SLC25A42: variants seen among roughly 807,000 people sequenced by gnomAD.
SLC25A42 encodes solute carrier family 25 member 42.
Under a neutral mutation model 34.7 loss-of-function variants are expected in SLC25A42, and 19 were observed. The ratio of observed to expected loss-of-function variants is 0.55; its 90% CI spans 0.38 to 0.80. The LOEUF (loss-of-function observed/expected upper bound fraction) is 0.80. SLC25A42 is among the 30% of genes least tolerant of loss of function. The pLI is 0.00. For missense variants in SLC25A42, 364 were observed against 441.3 expected (o/e 0.82, Z 1.57); for synonymous variants, 205 against 191.2 (o/e 1.07, Z -0.59).
Position 19,109,322 on chromosome 19 carries a change from G to A in SLC25A42, c.650-1247G>A, listed in dbSNP as rs1308318737. ...GTGTGACTGTAAAACCCCATTTTCGGTGTTTCTCTCTGGAGTGCTTTCCAG... is the reference window on the plus strand; with the variant it reads ...GTGTGACTGTAAAACCCCATTTTCGATGTTTCTCTCTGGAGTGCTTTCCAG... On this transcript the variant is annotated intron_variant, in intron 7 of 7. Coordinates refer to ENST00000318596, the MANE Select transcript of SLC25A42 (RefSeq NM_178526.5). This position sits in a 1 kb window ranked among gnomAD's most constrained non-coding sequence, Gnocchi z 4.1. 6.6e-6 allele frequency among the ~76,000 whole-genome samples: 1 copy of A among 152,160 alleles called. No individual in the cohort carries two copies. Among genetic ancestry groups the A allele is most frequent in the Non-Finnish European group, 1.5e-5 (1 of 68,034 alleles).
chr19:19,086,063 T>G (rs1373774887), intron 1 of SLC25A42, among the ~76,000 whole-genome samples: 1 of 152,226 alleles, frequency 6.6e-6, no homozygotes, highest in Non-Finnish European at 1.5e-5. Context: ...CGGCCAGTCC[T>G]TCTATAGCCA....
intron 1 of SLC25A42, among the ~76,000 whole-genome samples, chr19:19,093,153 T>A (rs1018608710): frequency 5.3e-5 from 8 of 152,170 alleles, no homozygotes; most frequent in Admixed American, 1.3e-4. Flanking sequence ...CTCGAGTACC[T>A]GGGACCACAG....
At position 19,111,918 on chromosome 19, in the gene SLC25A42, G is replaced by A. The variant is rs977599806; in HGVS notation, c.*1042G>A. Reference sequence around the variant, plus strand: ...CTAGCCTCAATCCCCCGAAGTGGGAGCCTCATGATAGAGTATAGCTTGGGG... The same window carrying A: ...CTAGCCTCAATCCCCCGAAGTGGGAACCTCATGATAGAGTATAGCTTGGGG... On this transcript the variant is annotated 3_prime_UTR_variant, in exon 8 of 8. Transcript: ENST00000318596. 1.6e-4 allele frequency: 24 copies of A among 152,238 alleles called. No individual in the cohort carries two copies. Among genetic ancestry groups the A allele is most frequent in the African/African-American group, 5.8e-4 (24 of 41,446 alleles). 9.4% of individuals were successfully genotyped at this position (152,238 alleles called of 1,614,324 possible). A position where few individuals can be genotyped will look rare whatever the true frequency, so the allele number is the denominator to read the frequency against.
At chr19:19,089,099 C>T (rs1322823855) in intron 1 of SLC25A42, among the ~76,000 whole-genome samples, 1 of 152,330 alleles carries the variant, frequency 6.6e-6, no homozygotes, top group East Asian at 1.9e-4. Context: ...GCCACTGCGC[C>T]TGGCCAGTGA....
At chr19:19,103,337 C>T (rs1324437810) in intron 3 of SLC25A42, among the ~76,000 whole-genome samples, 1 of 152,182 alleles carries the variant, frequency 6.6e-6, no homozygotes, top group Non-Finnish European at 1.5e-5. Flanking sequence ...TCAAGTGATC[C>T]ACCCGCCTTG....
At chr19:19,094,397 T>G (rs908401340) in intron 1 of SLC25A42, among the ~76,000 whole-genome samples, 2 of 152,234 alleles carry the variant, frequency 1.3e-5, no homozygotes, top group East Asian at 3.8e-4. Flanking sequence ...CTACTCAAAC[T>G]GTTCCAGCTT....
At chr19:19,096,254 T>TGGGGCCCCCCCCCCCCCCCCCCCCCC in intron 2 of SLC25A42, 49 bp downstream of exon 2, 2 of 1,456,676 alleles carry the variant, frequency 1.4e-6, no homozygotes, top group Non-Finnish European at 9.4e-7. Flanking sequence ...GGCCCCAGCC[T>TGGGGCCCCCCCCCCCCCCCCCCCCCC]CCCCACCCCC....
chr19:19,098,418 C>G (rs545528175), intron 2 of SLC25A42, among the ~76,000 whole-genome samples: 2 of 152,278 alleles, frequency 1.3e-5, no homozygotes, highest in South Asian at 4.1e-4. Context: ...GGTAACATAG[C>G]AAGACCTTGT....
At chr19:19,083,643 G>A (rs1295418250) in intron 1 of SLC25A42, among the ~76,000 whole-genome samples, 1 of 152,212 alleles carries the variant, frequency 6.6e-6, no homozygotes, top group Non-Finnish European at 1.5e-5. Context: ...CACTGCACAG[G>A]CACCAGGCCA....
rs977465260 is a variant in SLC25A42 at position 19,111,525 on chromosome 19, G to T, written c.*649G>T. ...ATGTCTATCCTAGACCCTGCAAGCAGCTGGGTCCCCAAGAGTGCATCTCCC... is the reference window on the plus strand; with the variant it reads ...ATGTCTATCCTAGACCCTGCAAGCATCTGGGTCCCCAAGAGTGCATCTCCC... On this transcript the variant is annotated 3_prime_UTR_variant, in exon 8 of 8. Coordinates refer to ENST00000318596, the MANE Select transcript of SLC25A42 (RefSeq NM_178526.5). 6.5e-6 allele frequency: 1 copy of T among 153,158 alleles called. No individual in the cohort carries two copies. Among genetic ancestry groups the T allele is most frequent in the Non-Finnish European group, 1.5e-5 (1 of 68,756 alleles). 9.5% of individuals were successfully genotyped at this position (153,158 alleles called of 1,614,324 possible).
chr19:19,110,485 TA>T (rs2059857002), intron 7 of SLC25A42, 83 bp from the exon 8 acceptor site: 15 of 1,210,562 alleles, frequency 1.2e-5, no homozygotes, highest in Non-Finnish European at 1.6e-5. Context: ...AGGTTGCTCC[TA>T]GGGGTGCAAA....
intron 1 of SLC25A42, among the ~76,000 whole-genome samples, chr19:19,083,409 A>G (rs1241307691): frequency 1.3e-5 from 2 of 152,228 alleles, no homozygotes; most frequent in Non-Finnish European, 2.9e-5. Flanking sequence ...GGATGCAGAC[A>G]TCTTTGAGTG....
rs760915278 is a variant in SLC25A42 at position 19,105,668 on chromosome 19, G to C, written c.321G>C (p.Gln107His). The part of the protein sequence containing the change: ...MVRVVPYAAI[Q>H]FSAHEEYKRI... Reference sequence around the variant, plus strand: ...GCGTGGTGCCCTACGCCGCCATCCAGTTCAGCGCACACGAGGAGTACAAGC... The same window carrying C: ...GCGTGGTGCCCTACGCCGCCATCCACTTCAGCGCACACGAGGAGTACAAGC... The change falls in exon 5 of 8, where the codon CAG (glutamine) becomes CAC (histidine). Residue 107 changes from glutamine to histidine, a missense_variant. Physicochemically the swap from Gln to His is conservative, Grantham distance 24. Coordinates refer to ENST00000318596, the MANE Select transcript of SLC25A42 (RefSeq NM_178526.5). The C allele has an allele frequency of 1.2e-6, 2 of 1,613,450 alleles. No individual in the cohort carries two copies. The highest frequency in any genetic ancestry group is 1.7e-6 in the Non-Finnish European group (2 of 1,179,790).
At chr19:19,108,476 G>A (rs536890266) in intron 7 of SLC25A42, among the ~76,000 whole-genome samples, 1 of 152,090 alleles carries the variant, frequency 6.6e-6, no homozygotes, top group Non-Finnish European at 1.5e-5. Flanking sequence ...CCAAGCCTGG[G>A]AGGTCAAGGC....
At chr19:19,101,746 T>C (rs375303673) in intron 2 of SLC25A42, 35 bp from the exon 3 acceptor site, 6 of 1,584,684 alleles carry the variant, frequency 3.8e-6, no homozygotes, top group Non-Finnish European at 5.2e-6. Flanking sequence ...GCCGCCCCCC[T>C]GCCCTCTGAC....
intron 1 of SLC25A42, among the ~76,000 whole-genome samples, chr19:19,093,307 C>T (rs916809748): frequency 6.6e-6 from 1 of 152,170 alleles, no homozygotes; most frequent in Non-Finnish European, 1.5e-5. Flanking sequence ...CGTGCCACCA[C>T]GCCCAGCTGA....
At chr19:19,080,873 T>A (rs2059678013) in intron 1 of SLC25A42, among the ~76,000 whole-genome samples, 1 of 145,438 alleles carries the variant, frequency 6.9e-6, no homozygotes, top group South Asian at 2.2e-4. Context: ...TGACCTGAGA[T>A]TGCGCTACTG....
In SLC25A42 at chr19:19,108,043, G is replaced by A; in HGVS notation, c.647G>A (p.Arg216Lys). The change falls in exon 7 of 8, where the codon AGA (arginine) becomes AAA (lysine). Residue 216 changes from arginine (R) to lysine (K), a missense_variant and splice_region_variant. Physicochemically the swap from Arg to Lys is conservative, Grantham distance 26. Transcript: ENST00000318596. The part of the protein sequence containing the change: ...FTYETLKSLH[R>K]EYSGRRQPYP... Reference sequence around the variant, plus strand: ...TATGAGACGCTCAAGAGCTTGCACAGAGGTAAGGAGAGCTGGGAGCATGAG... The same window carrying A: ...TATGAGACGCTCAAGAGCTTGCACAAAGGTAAGGAGAGCTGGGAGCATGAG... 6.4e-7 allele frequency: 1 copy of A among 1,563,584 alleles called. No individual in the cohort carries two copies. Among genetic ancestry groups the A allele is most frequent in the Non-Finnish European group, 8.7e-7 (1 of 1,152,118 alleles).
chr19:19,071,611 A>G (rs2059630312), intron 1 of SLC25A42, among the ~76,000 whole-genome samples: 1 of 152,214 alleles, frequency 6.6e-6, no homozygotes, highest in Admixed American at 6.5e-5. Flanking sequence ...TCACACCTGT[A>G]ATCCCAGCAC....
Sources: allele counts gnomAD v4.1 joint callset (sites outside exome capture counted in the v4.1 genomes callset), GRCh38; gene constraint gnomAD v4.1.1; non-coding constraint Gnocchi (gnomAD v3.1); transcripts MANE v1.5; gene names NCBI Gene and HGNC (gene_info 2026-07-23, HGNC 2026-07-21).